The following NRXN3 variants were observed in gnomAD, a reference collection of about 807,000 sequenced individuals.
NRXN3 encodes the protein neurexin 3.
A neutral mutation model predicts 137.6 loss-of-function variants in NRXN3; 32 were observed. That is an observed-to-expected ratio of 0.23 (90% CI 0.18 to 0.31). The LOEUF (loss-of-function observed/expected upper bound fraction) is 0.31. Ranked by LOEUF, NRXN3 falls within the 10% of genes least tolerant of loss-of-function variation. The probability of loss-of-function intolerance (pLI) is 1.00; values close to 1 mark genes in which losing one functional copy is unlikely to be tolerated. For synonymous variants in NRXN3, 798 were observed against 784.5 expected, an observed-to-expected ratio of 1.02 and a Z score of -0.29; for missense variants, 1,574 against 2,062.5, an observed-to-expected ratio of 0.76 and a Z score of 4.59.
At chr14:79,054,403 A>G (rs369727230) in intron 15 of NRXN3, among the ~76,000 whole-genome samples, 2 of 152,196 alleles carry the variant, frequency 1.3e-5, no homozygotes, top group African/African-American at 4.8e-5. Context: ...TGTGTGTGGT[A>G]TGAAAGTCTA....
chr14:78,755,261 A>G (rs147449341), intron 8 of NRXN3, among the ~76,000 whole-genome samples: 3,872 of 151,190 alleles, frequency 0.026, 76 homozygotes, highest in Non-Finnish European at 0.041. Flanking sequence ...TCCTAGCCTC[A>G]AGCAATTCTC....
At chr14:79,397,317 A>G (rs1276752365) in intron 15 of NRXN3, among the ~76,000 whole-genome samples, 1 of 152,210 alleles carries the variant, frequency 6.6e-6, no homozygotes, top group African/African-American at 2.4e-5. Context: ...AATGTTTGTC[A>G]GACTGTCTGA....
At position 78,585,095 on chromosome 14, in the gene NRXN3, G is replaced by C. The variant is rs144805854; in HGVS notation, c.758-60025G>C. 8.7e-4 allele frequency among the ~76,000 whole-genome samples: 129 copies of C among 147,574 alleles called. 2 individuals are homozygous for C. The highest frequency in any genetic ancestry group is 3.1e-3 in the African/African-American group (125 of 40,072). ...ATACAAATACATACATTATTAGGTGGTGATAAATGCTATGGAGAAAAATAA... is the reference window on the plus strand; with the variant it reads ...ATACAAATACATACATTATTAGGTGCTGATAAATGCTATGGAGAAAAATAA... On this transcript the variant is annotated intron_variant, in intron 4 of 20. Transcript: ENST00000335750.
At chr14:79,621,391 A>G (rs922995006) in intron 16 of NRXN3, among the ~76,000 whole-genome samples, 6 of 152,354 alleles carry the variant, frequency 3.9e-5, no homozygotes, top group African/African-American at 1.4e-4. Flanking sequence ...TGTTTCTACA[A>G]GAAAGATGTA....
chr14:79,018,296 AGAG>A lies in NRXN3; in HGVS notation c.3262+30156_3262+30158del, dbSNP rs1403560439. On this transcript the variant is annotated intron_variant, in intron 15 of 20. Transcript: ENST00000335750. ...AAAAAAAAAAAAAAAAAAAAAAAAA[AGAG>A]AGAGAGCAAGAAGAGTGAAAGTTAT... Among the ~76,000 whole-genome samples, 43 of 10,700 alleles carry A rather than the reference AGAG, an allele frequency of 4.0e-3. 4 individuals carry two copies. The highest frequency in any genetic ancestry group is 6.2e-3 in the African/African-American group (42 of 6,742). The allele number at this position is 10,700 out of a possible 152,430, so 7.0% of individuals were successfully genotyped here. A position where few individuals can be genotyped will look rare whatever the true frequency, so the allele number is the denominator to read the frequency against.
At chr14:79,754,503 GATATATATATATATATAT>G (rs57962525) in intron 19 of NRXN3, among the ~76,000 whole-genome samples, 2,374 of 44,006 alleles carry the variant, frequency 0.054, 157 homozygotes, top group East Asian at 0.083. Context: ...ACTCTCTCTT[GATATATATATATATATAT>G]ATATATATAT....
chr14:79,109,089 A>T (rs1158476883), intron 15 of NRXN3, among the ~76,000 whole-genome samples: 1 of 152,170 alleles, frequency 6.6e-6, no homozygotes, highest in African/African-American at 2.4e-5. Context: ...TAAGTAATAG[A>T]TGTTCAGTGA....
At chr14:79,456,254 A>G (rs1205339583) in intron 15 of NRXN3, among the ~76,000 whole-genome samples, 1 of 152,178 alleles carries the variant, frequency 6.6e-6, no homozygotes, top group Admixed American at 6.5e-5. Flanking sequence ...TGAGTTGCTT[A>G]TCACCCAATC....
rs868769067 is a variant in NRXN3 at position 79,546,858 on chromosome 14, C to T, written c.3444+79456C>T. Among the ~76,000 whole-genome samples the T allele has an allele frequency of 7.9e-5, 12 of 152,294 alleles. No individual in the cohort carries two copies. The South Asian group carries it at 2.5e-3, about 32-fold the overall frequency. On this transcript the variant is annotated intron_variant, in intron 16 of 20. Transcript: ENST00000335750. ...TTAAAAAACTGGAGCTCATTTGCCC[C>T]TGCTGCGGGGAGAGCAGACTCAGAC...
intron 15 of NRXN3, among the ~76,000 whole-genome samples, chr14:79,463,933 CA>C (rs1473374478): frequency 6.6e-6 from 1 of 152,074 alleles, no homozygotes; most frequent in Non-Finnish European, 1.5e-5. Flanking sequence ...TAAAGTAACA[CA>C]ATTAACTTTT....
At chr14:79,522,843 A>C (rs954874481) in intron 16 of NRXN3, among the ~76,000 whole-genome samples, 29 of 152,202 alleles carry the variant, frequency 1.9e-4, no homozygotes, top group Non-Finnish European at 3.7e-4. Context: ...ATATGTAAAA[A>C]ACTGCCATGT....
At chr14:79,493,516 T>C (rs2096737172) in intron 16 of NRXN3, among the ~76,000 whole-genome samples, 1 of 152,206 alleles carries the variant, frequency 6.6e-6, no homozygotes, top group South Asian at 2.1e-4. Flanking sequence ...CCAGCATAGC[T>C]GGGTAGTTAG....
intron 15 of NRXN3, 114 bp from the exon 16 acceptor site, chr14:79,467,107 C>A: frequency 9.8e-7 from 1 of 1,024,680 alleles, no homozygotes; most frequent in Non-Finnish European, 1.4e-6. Context: ...AAATACTGTC[C>A]CATGGGGGAC....
At chr14:79,580,874 C>T (rs990081060) in intron 16 of NRXN3, among the ~76,000 whole-genome samples, 10 of 151,810 alleles carry the variant, frequency 6.6e-5, no homozygotes, top group East Asian at 1.9e-4. Flanking sequence ...GGGGTGTGCA[C>T]GGTATAAGAA....
intron 4 of NRXN3, among the ~76,000 whole-genome samples, chr14:78,345,491 A>G (rs1946531224): frequency 6.6e-6 from 1 of 152,208 alleles, no homozygotes; most frequent in African/African-American, 2.4e-5. Flanking sequence ...AAGTGGTAGC[A>G]GCTGCAGAAA....
At chr14:78,927,006 T>G (rs1465544395) in intron 10 of NRXN3, among the ~76,000 whole-genome samples, 1 of 104,100 alleles carries the variant, frequency 9.6e-6, no homozygotes, top group African/African-American at 3.5e-5. Context: ...ATAATATATA[T>G]ATGCCAAATG....
intron 20 of NRXN3, among the ~76,000 whole-genome samples, chr14:79,822,989 C>CTG (rs2099277397): frequency 6.6e-6 from 1 of 152,096 alleles, no homozygotes; most frequent in Non-Finnish European, 1.5e-5. Flanking sequence ...ATTTTTTTCA[C>CTG]TGTAAGCCTT....
At chr14:78,636,925 A>G (rs2152554795) in intron 4 of NRXN3, among the ~76,000 whole-genome samples, 1 of 152,198 alleles carries the variant, frequency 6.6e-6, no homozygotes, top group South Asian at 2.1e-4. Flanking sequence ...CAGGCAGTAC[A>G]ATTGTGTGCA....
At chr14:79,502,961 C>G (rs1461822045) in intron 16 of NRXN3, among the ~76,000 whole-genome samples, 2 of 152,044 alleles carry the variant, frequency 1.3e-5, no homozygotes, top group African/African-American at 4.8e-5. Flanking sequence ...TTCTCTTTTC[C>G]CATCCACAAA....
Sources: allele counts gnomAD v4.1 joint callset (sites outside exome capture counted in the v4.1 genomes callset), GRCh38; gene constraint gnomAD v4.1.1; transcripts MANE v1.5; gene names NCBI Gene and HGNC (gene_info 2026-07-23, HGNC 2026-07-21).